The following JARID2 variants were observed in gnomAD, a reference collection of about 807,000 sequenced individuals.
The protein encoded by JARID2 is protein Jumonji.
JARID2 carries 21 observed loss-of-function variants against 125.6 expected under a neutral mutation model. The ratio of observed to expected loss-of-function variants is 0.17; its 90% CI spans 0.12 to 0.24. The LOEUF (loss-of-function observed/expected upper bound fraction) is 0.24, where lower values mean the gene tolerates loss of function less well. Ranked by LOEUF, JARID2 falls within the 10% of genes least tolerant of loss-of-function variation. JARID2 has a pLI of 1.00. For synonymous variants in JARID2, 736 were observed against 661.6 expected (o/e 1.11, Z -1.73); for missense variants, 1,303 against 1,639.6 (o/e 0.79, Z 3.55).
chr6:15,256,994 C>T (rs1304185567), intron 1 of JARID2, among the ~76,000 whole-genome samples: 1 of 152,034 alleles, frequency 6.6e-6, no homozygotes, highest in African/African-American at 2.4e-5. Flanking sequence ...CAATTTTGGA[C>T]GCTATAATTT....
At chr6:15,506,614 GGGAGCC>G (rs1771016966) in intron 9 of JARID2, among the ~76,000 whole-genome samples, 1 of 152,222 alleles carries the variant, frequency 6.6e-6, no homozygotes, top group Non-Finnish European at 1.5e-5. Flanking sequence ...CTTGTCTCAA[GGGAGCC>G]TGGGCACCGC....
At chr6:15,292,392 A>G (rs1350075473) in intron 1 of JARID2, among the ~76,000 whole-genome samples, 2 of 152,174 alleles carry the variant, frequency 1.3e-5, no homozygotes, top group Non-Finnish European at 2.9e-5. Context: ...AATTTTCTAT[A>G]CAGTGAATGT....
chr6:15,295,728 A>G (rs894049273), intron 1 of JARID2, among the ~76,000 whole-genome samples: 3 of 152,090 alleles, frequency 2.0e-5, no homozygotes, highest in African/African-American at 7.2e-5. Flanking sequence ...GAGTGGCACA[A>G]CCTCGGTTTA....
chr6:15,330,325 T>A (rs1762666290), intron 1 of JARID2, among the ~76,000 whole-genome samples: 1 of 152,192 alleles, frequency 6.6e-6, no homozygotes, highest in South Asian at 2.1e-4. Context: ...ATTATAAGCC[T>A]GCGCACTCAT....
At chr6:15,461,570 C>T (rs1032643692) in intron 4 of JARID2, among the ~76,000 whole-genome samples, 2 of 152,198 alleles carry the variant, frequency 1.3e-5, no homozygotes, top group African/African-American at 4.8e-5. Flanking sequence ...TTTGCATTTT[C>T]ATCCCCTGTC....
At chr6:15,259,668 T>G (rs1380385341) in intron 1 of JARID2, among the ~76,000 whole-genome samples, 1 of 152,158 alleles carries the variant, frequency 6.6e-6, no homozygotes, top group East Asian at 1.9e-4. Context: ...ATGGGTATGT[T>G]GGGGAGATGA....
intron 1 of JARID2, among the ~76,000 whole-genome samples, chr6:15,344,942 T>C (rs985637369): frequency 2.0e-5 from 3 of 152,212 alleles, no homozygotes; most frequent in African/African-American, 7.2e-5. Context: ...GATTTTAATT[T>C]TTTGACAAGC....
intron 16 of JARID2, among the ~76,000 whole-genome samples, chr6:15,515,847 A>G (rs1076635): frequency 0.22 from 32,676 of 151,862 alleles, 3,844 homozygotes; most frequent in Non-Finnish European, 0.27. Context: ...CAGCCTGGCC[A>G]ACATGGTGAA....
intron 4 of JARID2, among the ~76,000 whole-genome samples, chr6:15,458,781 T>C (rs1281394196): frequency 6.6e-6 from 1 of 152,200 alleles, no homozygotes; most frequent in African/African-American, 2.4e-5. Flanking sequence ...ATTAGGAATC[T>C]TTGCAGAAAG....
At chr6:15,257,313 C>T (rs993421262) in intron 1 of JARID2, among the ~76,000 whole-genome samples, 2 of 152,156 alleles carry the variant, frequency 1.3e-5, no homozygotes, top group African/African-American at 4.8e-5. Flanking sequence ...TCAAATCAGA[C>T]AAGTACTCAA....
At chr6:15,461,957 G>T (rs536250740) in intron 4 of JARID2, among the ~76,000 whole-genome samples, 2 of 151,794 alleles carry the variant, frequency 1.3e-5, no homozygotes, top group Non-Finnish European at 2.9e-5. Flanking sequence ...AGGCACCTCC[G>T]TATTCAGTAA....
intron 1 of JARID2, among the ~76,000 whole-genome samples, chr6:15,262,214 G>T (rs1404704319): frequency 6.7e-6 from 1 of 148,910 alleles, no homozygotes; most frequent in Non-Finnish European, 1.5e-5. Context: ...GTGGGGTTTC[G>T]CTGTGTTTCC....
chr6:15,494,123 T>C (rs1561901847), intron 6 of JARID2, among the ~76,000 whole-genome samples: 2 of 152,208 alleles, frequency 1.3e-5, no homozygotes, highest in Non-Finnish European at 2.9e-5. Context: ...ACCAAGAATT[T>C]GTGGCTTTGA....
chr6:15,385,716 G>A (rs532580495), intron 2 of JARID2, among the ~76,000 whole-genome samples: 8 of 152,148 alleles, frequency 5.3e-5, no homozygotes, highest in East Asian at 3.9e-4. Context: ...TGCCACCCAC[G>A]TCTCTGCCGC....
intron 1 of JARID2, among the ~76,000 whole-genome samples, chr6:15,277,704 T>TTA (rs1760582956): frequency 6.6e-6 from 1 of 151,992 alleles, no homozygotes; most frequent in Admixed American, 6.6e-5. Flanking sequence ...ATTCACCTGT[T>TTA]TAAAAGTAGT....
chr6:15,248,311 AGGC>A, intron 1 of JARID2, among the ~76,000 whole-genome samples: 1 of 138,006 alleles, frequency 7.2e-6, no homozygotes, highest in Non-Finnish European at 1.6e-5. Flanking sequence ...TCCGGGCTCT[AGGC>A]GGGCGCGCGA....
Position 15,496,553 on chromosome 6 carries a change from GACTGGA to G in JARID2, c.1330_1335del (p.Leu444_Glu445del). 1.2e-6 allele frequency: 2 copies of G among 1,607,544 alleles called. No individual in the cohort carries two copies. The highest frequency in any genetic ancestry group is 1.7e-6 in the Non-Finnish European group (2 of 1,178,018). On this transcript the variant is annotated inframe_deletion, in exon 7 of 18. Coordinates refer to ENST00000341776, the MANE Select transcript of JARID2 (RefSeq NM_004973.4). ...GAGGGGCTGCGGAACTCCAAGAGGA[GACTGGA>G]AGAGGCACACCAGGCGGAGAAGCCG...
chr6:15,502,917 C>A (rs1442255343), intron 8 of JARID2, among the ~76,000 whole-genome samples: 1 of 152,308 alleles, frequency 6.6e-6, no homozygotes, highest in Non-Finnish European at 1.5e-5. Flanking sequence ...TACTGAGAAG[C>A]CTTTGTCAAG....
chr6:15,461,882 CT>C (rs112020845), intron 4 of JARID2, among the ~76,000 whole-genome samples: 23,939 of 144,922 alleles, frequency 0.17, 1,970 homozygotes, highest in Non-Finnish European at 0.18. Context: ...GTGATGGTAT[CT>C]TTTTTTTTTT....
Sources: allele counts gnomAD v4.1 joint callset (sites outside exome capture counted in the v4.1 genomes callset), GRCh38; gene constraint gnomAD v4.1.1; transcripts MANE v1.5; gene names NCBI Gene and HGNC (gene_info 2026-07-23, HGNC 2026-07-21).